CLASP2: variants seen among roughly 807,000 people sequenced by gnomAD.
CLASP2 encodes CLIP-associating protein 2.
A neutral mutation model predicts 194.4 loss-of-function variants in CLASP2; 47 were observed. The observed-to-expected ratio is 0.24, with a 90% CI of 0.19 to 0.31. The LOEUF is 0.31. Among genes scored for constraint, CLASP2 ranks in the 10% least tolerant of loss-of-function variants. The pLI is 1.00. For synonymous variants in CLASP2, 619 were observed against 633.5 expected (o/e 0.98, Z 0.34); for missense variants, 1,445 against 1,823.6 (o/e 0.79, Z 3.78).
rs750621692 is a variant in CLASP2, at chr3:33,584,879, T to C, written c.2110A>G (p.Thr704Ala). 25 of 1,613,648 alleles carry C rather than the reference T, an allele frequency of 1.5e-5. No individual in the cohort carries two copies. The highest frequency in any genetic ancestry group is 2.1e-5 in the Non-Finnish European group (25 of 1,179,786). The change falls in exon 22 of 39, where the codon ACA becomes GCA. Residue 704 changes from threonine (T) to alanine (A), a missense_variant. By Grantham distance (58) the Thr-to-Ala change is moderately conservative (BLOSUM62 0). This residue lies in a region of CLASP2 where 732 missense variants were observed against 987.9 expected (regional missense o/e 0.74). Coordinates refer to ENST00000682230, the MANE Select transcript of CLASP2 (RefSeq NM_001365631.1). ...SGSPGRVLTT[T>A]ALSTVSSGVQ... Reference sequence around the variant, plus strand: ...CCAGAGCTCACAGTGGACAGGGCTGTTGTGGTCAGAACTCTTCCTGGAGAC... The same window carrying C: ...CCAGAGCTCACAGTGGACAGGGCTGCTGTGGTCAGAACTCTTCCTGGAGAC...
intron 9 of CLASP2, among the ~76,000 whole-genome samples, chr3:33,629,010 GA>G (rs375779425): frequency 0.016 from 2,331 of 146,034 alleles, 20 homozygotes; most frequent in African/African-American, 0.018. Flanking sequence ...AGAAGAACAA[GA>G]AAAAAAAAAA....
intron 14 of CLASP2, 26 bp from the exon 15 acceptor site, chr3:33,607,487 G>A (rs1333528116): frequency 1.3e-6 from 2 of 1,507,832 alleles, no homozygotes; most frequent in East Asian, 2.3e-5. Context: ...CATCTTTAGA[G>A]TTATGATATA....
chr3:33,542,003 A>AT (rs1338027180), intron 32 of CLASP2, among the ~76,000 whole-genome samples: 1 of 152,102 alleles, frequency 6.6e-6, no homozygotes, highest in Non-Finnish European at 1.5e-5. Context: ...AGCATCTGTT[A>AT]TTTTTTGACA....
chr3:33,529,847 G>A (rs1025250474), intron 34 of CLASP2, among the ~76,000 whole-genome samples: 7 of 151,860 alleles, frequency 4.6e-5, no homozygotes, highest in Non-Finnish European at 7.4e-5. Context: ...GCGCAGTGGC[G>A]GGCGCCTGTA....
intron 6 of CLASP2, among the ~76,000 whole-genome samples, chr3:33,676,275 G>A (rs1374198770): frequency 2.0e-5 from 3 of 149,792 alleles, no homozygotes; most frequent in African/African-American, 7.4e-5. Flanking sequence ...CAGAAATAAC[G>A]CCGCATATCT....
intron 1 of CLASP2, among the ~76,000 whole-genome samples, chr3:33,713,881 G>A (rs929493963): frequency 5.3e-5 from 8 of 152,100 alleles, no homozygotes; most frequent in Admixed American, 6.5e-5. Flanking sequence ...AAATGTAAAT[G>A]TTACTAATCC....
chr3:33,628,437 T>C (rs1229226511), intron 9 of CLASP2, among the ~76,000 whole-genome samples: 2 of 152,100 alleles, frequency 1.3e-5, no homozygotes, highest in East Asian at 3.8e-4. Context: ...CGTACTTCAG[T>C]GAGGGGGTAC....
At chr3:33,677,680 T>C (rs1423130200) in intron 6 of CLASP2, among the ~76,000 whole-genome samples, 6 of 149,824 alleles carry the variant, frequency 4.0e-5, no homozygotes, top group Non-Finnish European at 5.9e-5. Flanking sequence ...AGTGCACATG[T>C]ACCCTAAAAC....
chr3:33,527,823 C>G (rs1182263862), intron 34 of CLASP2, among the ~76,000 whole-genome samples: 1 of 152,020 alleles, frequency 6.6e-6, no homozygotes, highest in South Asian at 2.1e-4. Context: ...ATTAGCCAGA[C>G]GTGGTGGCAT....
chr3:33,689,822 G>T lies in CLASP2; in HGVS notation c.378+7C>A. ...AGCAAAATCTGAATTTTAAAATGTA[G>T]GCTTACCATAGGTGGTGCTACTTGA... is the stretch of plus-strand genomic sequence containing the variant. On this transcript the variant is annotated splice_region_variant and intron_variant, in intron 3 of 38. Transcript: ENST00000682230. 6.5e-7 allele frequency: 1 copy of T among 1,546,592 alleles called. No individual in the cohort carries two copies. Among genetic ancestry groups the T allele is most frequent in the East Asian group, 2.3e-5 (1 of 43,202 alleles).
At chr3:33,687,677 A>G (rs1250298380) in intron 4 of CLASP2, among the ~76,000 whole-genome samples, 1 of 152,218 alleles carries the variant, frequency 6.6e-6, no homozygotes, top group Non-Finnish European at 1.5e-5. Context: ...AGGAAGTAGC[A>G]CTATAGGAAA....
intron 6 of CLASP2, among the ~76,000 whole-genome samples, chr3:33,682,496 T>C (rs891249883): frequency 2.0e-5 from 3 of 152,180 alleles, no homozygotes; most frequent in African/African-American, 7.2e-5. Context: ...GAGTATTTGT[T>C]TGAAATGCTA....
chr3:33,603,001 G>A lies in CLASP2; in HGVS notation c.1875C>T (p.Ser625=), dbSNP rs772908984. 17 of 1,610,138 alleles carry A rather than the reference G, an allele frequency of 1.1e-5. No individual in the cohort carries two copies. The highest frequency in any genetic ancestry group is 8.9e-5 in the East Asian group (4 of 44,796). ...TCAGGGCACCTGCACCTAAGCGCCC[G>A]CTTCGCACAGACTGTCCAGCAGCAT... ...AHHAAGQSVR[S]GRLGAGALNA... is the part of the protein sequence containing the mutation. The change falls in exon 18 of 39, where the codon AGC becomes AGT. Residue 625 remains serine, a synonymous_variant. Coordinates refer to ENST00000682230, the MANE Select transcript of CLASP2 (RefSeq NM_001365631.1).
chr3:33,521,741 G>C (rs956735564), intron 34 of CLASP2, among the ~76,000 whole-genome samples: 1 of 152,204 alleles, frequency 6.6e-6, no homozygotes, highest in Non-Finnish European at 1.5e-5. Flanking sequence ...TCCTCAACCA[G>C]ACAACAGAAT....
At chr3:33,561,001 G>GA (rs1576450386) in intron 27 of CLASP2, 30 bp from the exon 28 acceptor site, 55 of 1,580,044 alleles carry the variant, frequency 3.5e-5, no homozygotes, top group Non-Finnish European at 4.7e-5. Flanking sequence ...GAGGTAGGGA[G>GA]AAAAAAAGAG....
intron 6 of CLASP2, among the ~76,000 whole-genome samples, chr3:33,673,820 C>A (rs1013598113): frequency 6.6e-6 from 1 of 152,018 alleles, no homozygotes; most frequent in African/African-American, 2.4e-5. Flanking sequence ...AGACTTTAAA[C>A]CAACAAAGAT....
At chr3:33,585,550 A>G (rs747433022) in intron 21 of CLASP2, among the ~76,000 whole-genome samples, 1 of 152,218 alleles carries the variant, frequency 6.6e-6, no homozygotes, top group Non-Finnish European at 1.5e-5. Context: ...CAGAAAAGGT[A>G]CAGTAAAAAT....
chr3:33,614,666 A>G (rs1372379357), intron 12 of CLASP2, among the ~76,000 whole-genome samples: 2 of 152,102 alleles, frequency 1.3e-5, no homozygotes, highest in East Asian at 3.9e-4. Context: ...AAAGTTAAGA[A>G]AACGGGCTGG....
intron 10 of CLASP2, among the ~76,000 whole-genome samples, chr3:33,625,382 AT>A (rs1290874416): frequency 4.7e-5 from 7 of 150,138 alleles, no homozygotes; most frequent in Admixed American, 2.0e-4. Context: ...ACACACACAC[AT>A]TACATGTATA....
Sources: allele counts gnomAD v4.1 joint callset (sites outside exome capture counted in the v4.1 genomes callset), GRCh38; gene constraint gnomAD v4.1.1; regional missense constraint gnomAD v4.1.1; transcripts MANE v1.5; gene names NCBI Gene and HGNC (gene_info 2026-07-23, HGNC 2026-07-21).